The following OXCT1 variants were observed in gnomAD, a reference collection of about 807,000 sequenced individuals.
OXCT1 encodes succinyl-CoA:3-ketoacid coenzyme A transferase 1, mitochondrial.
In OXCT1, 27 loss-of-function variants were observed where a neutral mutation model predicts 69.6. The ratio of observed to expected loss-of-function variants is 0.39; its 90% confidence interval spans 0.29 to 0.54. OXCT1 has a LOEUF of 0.54. OXCT1 is among the 20% of genes least tolerant of loss of function. OXCT1 has a pLI of 0.72. For missense variants in OXCT1, 437 were observed against 650.2 expected, an observed-to-expected ratio of 0.67 and a Z score of 3.57; for synonymous variants, 202 against 217.8, an observed-to-expected ratio of 0.93 and a Z score of 0.64.
chr5:41,845,173 G>C (rs543199440), intron 5 of OXCT1, among the ~76,000 whole-genome samples: 1 of 152,000 alleles, frequency 6.6e-6, no homozygotes, highest in Non-Finnish European at 1.5e-5. Context: ...CCCCAAACAC[G>C]GCAAGCCTGT....
At position 41,737,067 on chromosome 5, in the gene OXCT1, G is replaced by C. The variant is rs148017155; in HGVS notation, c.1521+2323C>G. 3.7e-3 allele frequency among the ~76,000 whole-genome samples: 571 copies of C among 152,292 alleles called. 3 individuals carry two copies. Among genetic ancestry groups the C allele is most frequent in the African/African-American group, 0.013 (554 of 41,562 alleles). ...AGGGCACTCCAGCTCTAGCCTTACA[G>C]AAAACAACCTGTTATATGTGATTTC... On this transcript the variant is annotated intron_variant, in intron 16 of 16. Coordinates refer to ENST00000196371, the MANE Select transcript of OXCT1 (RefSeq NM_000436.4).
intron 7 of OXCT1, among the ~76,000 whole-genome samples, chr5:41,826,444 A>C (rs996049130): frequency 1.3e-5 from 2 of 152,134 alleles, no homozygotes; most frequent in Non-Finnish European, 2.9e-5. Flanking sequence ...AAGCAGCGGG[A>C]GGGATTAAGG....
chr5:41,858,352 A>C (rs1749549165), intron 3 of OXCT1, among the ~76,000 whole-genome samples: 1 of 152,218 alleles, frequency 6.6e-6, no homozygotes, highest in East Asian at 1.9e-4. Flanking sequence ...GATAAAGAAA[A>C]ATAGATGTGA....
At chr5:41,752,323 A>T (rs185312088) in intron 14 of OXCT1, among the ~76,000 whole-genome samples, 14 of 152,292 alleles carry the variant, frequency 9.2e-5, no homozygotes, top group Admixed American at 2.0e-4. Flanking sequence ...AAACTGCAAT[A>T]AACTAGGGTG....
rs780477832 is a variant in OXCT1 at position 41,766,914 on chromosome 5, TG to T, written c.1249-4715del. On this transcript the variant is annotated intron_variant, in intron 13 of 16. Coordinates refer to ENST00000196371, the MANE Select transcript of OXCT1 (RefSeq NM_000436.4). ...ATTGGAAGTCAAAGGGAAAGATCAT[TG>T]TAGAATGATTTATTAATAAAACTAG... Among the ~76,000 whole-genome samples the T allele has an allele frequency of 4.6e-5, 7 of 152,118 alleles. No homozygotes were observed. In the East Asian group the frequency reaches 1.3e-3, roughly 29 times the overall value.
In OXCT1 at chr5:41,751,556, G is replaced by A. The variant is rs148609181; in HGVS notation, c.1339-1949C>T. Among the ~76,000 whole-genome samples, 1,183 of 152,226 alleles carry A rather than the reference G, an allele frequency of 7.8e-3. 12 individuals are homozygous for A. Among genetic ancestry groups the A allele is most frequent in the African/African-American group, 0.027 (1,125 of 41,550 alleles). Reference sequence around the variant, plus strand: ...GTCTCTGTAAGAGCCACATGCCCATGCTTCTCCATCCACCCTACCTTGAAA... The same window carrying A: ...GTCTCTGTAAGAGCCACATGCCCATACTTCTCCATCCACCCTACCTTGAAA... On this transcript the variant is annotated intron_variant, in intron 14 of 16. Transcript: ENST00000196371.
At chr5:41,753,528 C>T (rs574571039) in intron 14 of OXCT1, among the ~76,000 whole-genome samples, 1 of 152,066 alleles carries the variant, frequency 6.6e-6, no homozygotes, top group Non-Finnish European at 1.5e-5. Context: ...AACGGCAACA[C>T]CCTTCCTATT....
intron 13 of OXCT1, among the ~76,000 whole-genome samples, chr5:41,787,258 A>C (rs1257368445): frequency 6.6e-6 from 1 of 152,216 alleles, no homozygotes; most frequent in African/African-American, 2.4e-5. Context: ...GTTATTAATG[A>C]TATTAAACAG....
intron 7 of OXCT1, among the ~76,000 whole-genome samples, chr5:41,808,150 C>T (rs551836138): frequency 1.3e-5 from 2 of 152,086 alleles, no homozygotes; most frequent in South Asian, 4.1e-4. Flanking sequence ...ATTTAAAAGA[C>T]AATTTTTCTA....
At position 41,786,175 on chromosome 5, in the gene OXCT1, C is replaced by T. The variant is rs141900068; in HGVS notation, c.1248+7828G>A. On this transcript the variant is annotated intron_variant, in intron 13 of 16. Coordinates refer to ENST00000196371, the MANE Select transcript of OXCT1 (RefSeq NM_000436.4). ...TGCTGGGGAAGCATCCAGCCATCAC[C>T]CATAGGAGCAGCCGCTGCAGGAGGA... is the stretch of plus-strand genomic sequence containing the variant. 5.5e-3 allele frequency among the ~76,000 whole-genome samples: 838 copies of T among 152,166 alleles called. 8 individuals carry two copies. The highest frequency in any genetic ancestry group is 0.019 in the South Asian group (93 of 4,812).
At chr5:41,853,686 A>C in intron 3 of OXCT1, 132 bp from the exon 4 acceptor site, 1 of 997,786 alleles carries the variant, frequency 1.0e-6, no homozygotes, top group South Asian at 1.4e-5. Flanking sequence ...CCACATTCTT[A>C]GTCTCCCATA....
intron 7 of OXCT1, among the ~76,000 whole-genome samples, chr5:41,836,489 A>G (rs978146099): frequency 6.6e-6 from 1 of 152,168 alleles, no homozygotes; most frequent in East Asian, 1.9e-4. Flanking sequence ...TACACAACTC[A>G]TAAGTTTATC....
At chr5:41,739,290 C>A (rs1184241705) in intron 16 of OXCT1, 100 bp downstream of exon 16, 2 of 862,236 alleles carry the variant, frequency 2.3e-6, no homozygotes, top group African/African-American at 3.3e-5. Context: ...AGGTCAACTC[C>A]AAAAATGATC....
intron 13 of OXCT1, among the ~76,000 whole-genome samples, chr5:41,785,841 C>G (rs1745614135): frequency 6.6e-6 from 1 of 152,186 alleles, no homozygotes; most frequent in African/African-American, 2.4e-5. Context: ...CTACATTTCT[C>G]AGCAACCAAG....
intron 10 of OXCT1, among the ~76,000 whole-genome samples, chr5:41,802,202 T>A (rs919155860): frequency 3.3e-5 from 5 of 152,130 alleles, no homozygotes; most frequent in Non-Finnish European, 5.9e-5. Context: ...GAAAATGTCA[T>A]GATTATTGCC....
At chr5:41,815,089 T>A (rs1172869824) in intron 7 of OXCT1, among the ~76,000 whole-genome samples, 2 of 152,042 alleles carry the variant, frequency 1.3e-5, no homozygotes, top group Non-Finnish European at 2.9e-5. Flanking sequence ...ATAACTCAAT[T>A]TGTTAAAATT....
intron 7 of OXCT1, among the ~76,000 whole-genome samples, chr5:41,809,815 T>C (rs745504475): frequency 4.6e-5 from 7 of 152,072 alleles, no homozygotes; most frequent in Non-Finnish European, 1.0e-4. Context: ...AGAATGAATA[T>C]GTCCTGGTAA....
chr5:41,862,996 T>A (rs927837358), intron 1 of OXCT1, among the ~76,000 whole-genome samples: 6 of 152,174 alleles, frequency 3.9e-5, no homozygotes, highest in Admixed American at 2.0e-4. Context: ...CAGTTTCCCT[T>A]TCTGAGGTCT....
chr5:41,741,257 A>G (rs1743152888), intron 15 of OXCT1, among the ~76,000 whole-genome samples: 2 of 151,900 alleles, frequency 1.3e-5, no homozygotes, highest in South Asian at 2.1e-4. Flanking sequence ...CGCTTAACCA[A>G]TTTTTCAATT....
Sources: gnomAD v4.1 joint callset for allele counts (sites outside exome capture counted in the v4.1 genomes callset) on GRCh38, gnomAD v4.1.1 for gene constraint, MANE v1.5 for transcripts, NCBI Gene and HGNC (gene_info 2026-07-23, HGNC 2026-07-21) for gene names.